Variants in KLHL5 observed in about 807,000 individuals in gnomAD.
KLHL5 encodes the protein kelch like family member 5.
KLHL5 carries 48 observed loss-of-function variants against 77.7 expected under a neutral mutation model. That is an observed-to-expected ratio of 0.62 (90% confidence interval 0.49 to 0.79). KLHL5 has a LOEUF of 0.79. Among genes scored for constraint, KLHL5 ranks in the 30% least tolerant of loss-of-function variants. The pLI, the probability that KLHL5 is intolerant of heterozygous loss-of-function variation, is 0.00. For missense variants in KLHL5, 723 were observed against 859.7 expected (o/e 0.84, Z 1.99); for synonymous variants, 260 against 297.0 (o/e 0.88, Z 1.28).
intron 1 of KLHL5, among the ~76,000 whole-genome samples, chr4:39,067,726 A>C (rs1226985962): frequency 6.7e-6 from 1 of 149,264 alleles, no homozygotes; most frequent in Admixed American, 6.7e-5. Context: ...CCCAGGCTAG[A>C]CTGGAATGCA....
At chr4:39,116,873 G>A (rs960646590) in intron 10 of KLHL5, among the ~76,000 whole-genome samples, 6 of 151,922 alleles carry the variant, frequency 3.9e-5, no homozygotes, top group Non-Finnish European at 5.9e-5. Context: ...TCTTGCTCTC[G>A]TCACCTAGGC....
In KLHL5 at chr4:39,081,249, C is replaced by A; in HGVS notation, c.703+10C>A. 1.3e-6 allele frequency: 2 copies of A among 1,577,436 alleles called. No homozygotes were observed. The highest frequency in any genetic ancestry group is 1.7e-6 in the Non-Finnish European group (2 of 1,165,104). On this transcript the variant is annotated intron_variant, in intron 3 of 10. Coordinates refer to ENST00000504108, the MANE Select transcript of KLHL5 (RefSeq NM_015990.5). The surrounding 1 kb of genome is among the most constrained non-coding windows in gnomAD (Gnocchi z 4.3). ...CAGTATGCTTATACAGGTAACGAGTCTGAAAATGTAAATTAAAACCTCTTA... is the reference window on the plus strand; with the variant it reads ...CAGTATGCTTATACAGGTAACGAGTATGAAAATGTAAATTAAAACCTCTTA...
At chr4:39,100,056 A>G (rs1272949828) in intron 6 of KLHL5, among the ~76,000 whole-genome samples, 1 of 152,122 alleles carries the variant, frequency 6.6e-6, no homozygotes, top group African/African-American at 2.4e-5. Context: ...TTTTATTCTC[A>G]TATTTCCAAC....
In KLHL5 at chr4:39,075,989, A is replaced by G. The variant is rs766778675; in HGVS notation, c.408A>G (p.Leu136=). 1 of 1,611,446 alleles carries G rather than the reference A, an allele frequency of 6.2e-7. No homozygotes were observed. The highest frequency in any genetic ancestry group is 8.5e-7 in the Non-Finnish European group (1 of 1,179,174). The part of the protein sequence containing the change: ...SCRTSNSSQT[L]SSCHTMEPCT... ...GGACTTCCAATAGTAGTCAGACATT[A>G]TCATCCTGTCATACTATGGAGCCAT... Residue 136 remains leucine, a synonymous_variant, in exon 2 of 11, where the codon TTA becomes TTG. Coordinates refer to ENST00000504108, the MANE Select transcript of KLHL5 (RefSeq NM_015990.5).
chr4:39,104,618 C>T (rs1379409617), intron 7 of KLHL5, among the ~76,000 whole-genome samples: 2 of 152,174 alleles, frequency 1.3e-5, no homozygotes, highest in Non-Finnish European at 2.9e-5. Context: ...CTTTATTGAA[C>T]TGCAGCAAGT....
intron 10 of KLHL5, among the ~76,000 whole-genome samples, chr4:39,116,806 G>A (rs6848212): frequency 0.015 from 2,316 of 151,988 alleles, 59 homozygotes; most frequent in African/African-American, 0.053. Context: ...AAAGTGAGGC[G>A]CCATCTCTGC....
chr4:39,066,056 T>A (rs1354163484), intron 1 of KLHL5, among the ~76,000 whole-genome samples: 2 of 152,224 alleles, frequency 1.3e-5, no homozygotes, highest in Non-Finnish European at 2.9e-5. Context: ...TCTACTGCCA[T>A]CCACCTAAGT....
chr4:39,112,021 G>A (rs745881123), intron 8 of KLHL5, among the ~76,000 whole-genome samples: 2 of 152,028 alleles, frequency 1.3e-5, no homozygotes, highest in Non-Finnish European at 2.9e-5. Flanking sequence ...AATTCAAAAT[G>A]TATAATCTTT....
chr4:39,068,231 G>A (rs906313709), intron 1 of KLHL5, among the ~76,000 whole-genome samples: 2 of 151,544 alleles, frequency 1.3e-5, no homozygotes, highest in African/African-American at 2.4e-5. Context: ...ATTTGATCTA[G>A]TCTATTAATT....
At chr4:39,057,984 G>GA, upstream of KLHL5, among the ~76,000 whole-genome samples, 1 of 152,286 alleles carries the variant, frequency 6.6e-6, no homozygotes, top group East Asian at 1.9e-4. Context: ...TTGTAATACT[G>GA]AATAGTGTCA....
At chr4:39,068,435 C>T (rs1718100363) in intron 1 of KLHL5, among the ~76,000 whole-genome samples, 1 of 78,644 alleles carries the variant, frequency 1.3e-5, no homozygotes. Context: ...CCCCAGAAAA[C>T]ACTGTGTGTG....
chr4:39,063,235 C>G, intron 1 of KLHL5, among the ~76,000 whole-genome samples, 200 bp downstream of exon 1: 1 of 151,770 alleles, frequency 6.6e-6, no homozygotes, highest in East Asian at 1.9e-4. Context: ...ACAAAGACAA[C>G]AAATAGCATT....
At chr4:39,109,022 T>C (rs974599443) in intron 8 of KLHL5, among the ~76,000 whole-genome samples, 3 of 152,214 alleles carry the variant, frequency 2.0e-5, no homozygotes, top group South Asian at 2.1e-4. Context: ...TACAGTTAAT[T>C]GAATATAATT....
At chr4:39,084,275 G>A (rs1395553550) in intron 4 of KLHL5, among the ~76,000 whole-genome samples, 1 of 152,126 alleles carries the variant, frequency 6.6e-6, no homozygotes, top group African/African-American at 2.4e-5. Context: ...AAAAAATGAG[G>A]AGTCCTCTCC....
At chr4:39,073,721 C>T (rs1404622798) in intron 1 of KLHL5, among the ~76,000 whole-genome samples, 3 of 151,920 alleles carry the variant, frequency 2.0e-5, no homozygotes, top group Non-Finnish European at 2.9e-5. Flanking sequence ...CTCAGCTCAC[C>T]GTAACCTCTG....
rs1335283978 is a variant in KLHL5, at chr4:39,076,087, G to A, written c.506G>A (p.Arg169Lys). Residue 169 changes from arginine (R) to lysine (K), a missense_variant, in exon 2 of 11, where the codon AGA (arginine) becomes AAA (lysine). Arg to Lys is a conservative substitution (Grantham distance 26). This residue lies in a region of KLHL5 where 221 missense variants were observed against 222.1 expected (regional missense o/e 1.00). Coordinates refer to ENST00000504108, the MANE Select transcript of KLHL5 (RefSeq NM_015990.5). ...TTTAAAAAAATGGAAAACTATTTGA[G>A]ACATAAACAGTTGTGTGATGTAATT... ...QTFKKMENYL[R>K]HKQLCDVILV... 1 of 1,607,552 alleles carries A rather than the reference G, an allele frequency of 6.2e-7. No individual in the cohort carries two copies. The highest frequency in any genetic ancestry group is 8.5e-7 in the Non-Finnish European group (1 of 1,178,358).
chr4:39,117,696 A>C (rs1722937274), intron 10 of KLHL5, among the ~76,000 whole-genome samples: 9 of 152,200 alleles, frequency 5.9e-5, no homozygotes, highest in Admixed American at 5.9e-4. Context: ...CAACAGTGTA[A>C]GAAAGAATGA....
chr4:39,084,005 A>G (rs1008747122), intron 4 of KLHL5, among the ~76,000 whole-genome samples: 1 of 152,232 alleles, frequency 6.6e-6, no homozygotes, highest in African/African-American at 2.4e-5. Flanking sequence ...TCTGATTTGA[A>G]TTGTTGCTAT....
rs1362715141 is a variant in KLHL5 at position 39,086,650 on chromosome 4, C to T, written c.1036C>T (p.Arg346Cys). 1.9e-6 allele frequency: 3 copies of T among 1,613,864 alleles called. No homozygotes were observed. Among genetic ancestry groups the T allele is most frequent in the South Asian group, 1.1e-5 (1 of 91,078 alleles). The stretch of plus-strand genomic sequence containing the variant: ...ATTGAATGCACTTCTTACTTGGGTC[C>T]GTCATGATTTGGAACAGAGACGGAA... ...TILNALLTWV[R>C]HDLEQRRKDL... is the part of the protein sequence containing the mutation. Residue 346 changes from arginine to cysteine, a missense_variant, in exon 5 of 11, where the codon CGT (arginine) becomes TGT (cysteine). Arg to Cys is a radical substitution (Grantham distance 180, BLOSUM62 -3). Transcript: ENST00000504108.
Sources: gnomAD v4.1 joint callset for allele counts (sites outside exome capture counted in the v4.1 genomes callset) on GRCh38, gnomAD v4.1.1 for gene constraint, gnomAD v4.1.1 regional missense constraint, Gnocchi (gnomAD v3.1) non-coding constraint, MANE v1.5 for transcripts, NCBI Gene and HGNC (gene_info 2026-07-23, HGNC 2026-07-21) for gene names.